ABLIM2: variants seen among roughly 807,000 people sequenced by gnomAD.
ABLIM2 encodes actin binding LIM protein family member 2, also known as actin-binding LIM protein 2.
In ABLIM2, 53 loss-of-function variants were observed where a neutral mutation model predicts 97.7. The ratio of observed to expected loss-of-function variants is 0.54; its 90% confidence interval spans 0.44 to 0.68. The LOEUF (loss-of-function observed/expected upper bound fraction) is 0.68, where lower values mean the gene tolerates loss of function less well. Among genes scored for constraint, ABLIM2 ranks in the 30% least tolerant of loss-of-function variants. The pLI is 0.00. For synonymous variants in ABLIM2, 361 were observed against 345.8 expected (o/e 1.04, Z -0.49); for missense variants, 835 against 867.2 (o/e 0.96, Z 0.47).
At chr4:7,971,085 T>G (rs1315148406) in intron 20 of ABLIM2, among the ~76,000 whole-genome samples, 3 of 152,048 alleles carry the variant, frequency 2.0e-5, no homozygotes, top group African/African-American at 7.2e-5. Flanking sequence ...GAATTCTGAG[T>G]GTCACACCTC....
Position 8,149,171 on chromosome 4 carries a change from G to A in ABLIM2, c.10+9509C>T, listed in dbSNP as rs1711690257. Among the ~76,000 whole-genome samples the A allele has an allele frequency of 6.6e-6, 1 of 152,192 alleles. No homozygotes were observed. Among genetic ancestry groups the A allele is most frequent in the African/African-American group, 2.4e-5 (1 of 41,436 alleles). On this transcript the variant is annotated intron_variant, in intron 1 of 20. Transcript: ENST00000447017. The surrounding 1 kb of genome is among the most constrained non-coding windows in gnomAD (Gnocchi z 6.4). The stretch of plus-strand genomic sequence containing the variant: ...TGTGGGGCCCCTCCCTTCATCCTCA[G>A]AGCCAGGCGTGGAGACTTCTCTCTC...
rs928856743 is a variant in ABLIM2, at chr4:8,061,208, C to T, written c.676-154G>A. Among the ~76,000 whole-genome samples the T allele has an allele frequency of 7.3e-4, 78 of 107,136 alleles. No homozygotes were observed. The highest frequency in any genetic ancestry group is 3.0e-3 in the African/African-American group (75 of 25,388). The allele number at this position is 107,136 out of a possible 152,430, so 70.3% of individuals were successfully genotyped here. On this transcript the variant is annotated intron_variant, in intron 6 of 20. Coordinates refer to ENST00000447017, the MANE Select transcript of ABLIM2 (RefSeq NM_001130083.2). This position sits in a 1 kb window ranked among gnomAD's most constrained non-coding sequence, Gnocchi z 4.5. ...ACCATCGGGACCCAAGACCCCTGAG[C>T]AGAGCCCAGACCCGGGGGTGCCCCC...
At chr4:8,084,743 C>T (rs1822233532) in intron 4 of ABLIM2, among the ~76,000 whole-genome samples, 1 of 152,216 alleles carries the variant, frequency 6.6e-6, no homozygotes. Context: ...TTTCCCCAGG[C>T]CAAGCCCATT....
intron 6 of ABLIM2, among the ~76,000 whole-genome samples, chr4:8,063,188 C>G (rs1399532747): frequency 6.6e-6 from 1 of 152,200 alleles, no homozygotes; most frequent in Non-Finnish European, 1.5e-5. Flanking sequence ...GCCTCAGCCT[C>G]CCGAGTAGCT....
At chr4:7,971,751 G>A (rs1035644699) in intron 20 of ABLIM2, among the ~76,000 whole-genome samples, 2 of 152,050 alleles carry the variant, frequency 1.3e-5, no homozygotes, top group African/African-American at 4.8e-5. Context: ...TCCCCTCAGG[G>A]TACTCCCAGC....
chr4:8,032,549 C>G lies in ABLIM2; in HGVS notation c.1048-2773G>C. On this transcript the variant is annotated intron_variant, in intron 10 of 20. Coordinates refer to ENST00000447017, the MANE Select transcript of ABLIM2 (RefSeq NM_001130083.2). This position sits in a 1 kb window ranked among gnomAD's most constrained non-coding sequence, Gnocchi z 4.3. Reference sequence around the variant, plus strand: ...CCCCGGGCCCCATGGTGAAGAGCCACCGAGGAGGCCCTTCCCGGGAGTGCG... The same window carrying G: ...CCCCGGGCCCCATGGTGAAGAGCCAGCGAGGAGGCCCTTCCCGGGAGTGCG... The G allele has an allele frequency of 6.6e-7, 1 of 1,512,938 alleles. No homozygotes were observed. Among genetic ancestry groups the G allele is most frequent in the South Asian group, 1.1e-5 (1 of 86,990 alleles). 93.7% of individuals were successfully genotyped at this position (1,512,938 alleles called of 1,614,324 possible). A position where few individuals can be genotyped will look rare whatever the true frequency, so the allele number is the denominator to read the frequency against.
chr4:8,082,033 G>A lies in ABLIM2; in HGVS notation c.455-1231C>T, dbSNP rs1561248530. On this transcript the variant is annotated intron_variant, in intron 4 of 20. Coordinates refer to ENST00000447017, the MANE Select transcript of ABLIM2 (RefSeq NM_001130083.2). This position sits in a 1 kb window ranked among gnomAD's most constrained non-coding sequence, Gnocchi z 5.6. ...TGTCTGTGTGTTTGTCGAAGTGTGT[G>A]TCTGCGTGTGTTTAAGGGTGTGGTT... 6.6e-6 allele frequency among the ~76,000 whole-genome samples: 1 copy of A among 152,182 alleles called. No homozygotes were observed. Among genetic ancestry groups the A allele is most frequent in the Non-Finnish European group, 1.5e-5 (1 of 68,026 alleles).
chr4:8,029,200 T>C (rs1779269153), intron 11 of ABLIM2, among the ~76,000 whole-genome samples: 1 of 152,076 alleles, frequency 6.6e-6, no homozygotes, highest in Non-Finnish European at 1.5e-5. Flanking sequence ...TAGCCACAGG[T>C]GAAATGTTAA....
At chr4:8,090,051 G>T (rs1360779245) in intron 3 of ABLIM2, among the ~76,000 whole-genome samples, 1 of 152,170 alleles carries the variant, frequency 6.6e-6, no homozygotes. Context: ...TGTGTTCCTG[G>T]GTTCCCACTG....
chr4:8,062,017 C>A (rs897693682), intron 6 of ABLIM2, among the ~76,000 whole-genome samples: 1 of 151,750 alleles, frequency 6.6e-6, no homozygotes. Context: ...TGCCAACCTC[C>A]GGGCCAGGTG....
chr4:7,984,775 C>T (rs1742209562), intron 18 of ABLIM2, 64 bp downstream of exon 18: 2 of 1,497,612 alleles, frequency 1.3e-6, no homozygotes, highest in Admixed American at 2.1e-5. Context: ...CAGAACAAGT[C>T]TTGTGGAATG....
chr4:7,969,022 C>T (rs150479030), intron 20 of ABLIM2, among the ~76,000 whole-genome samples: 14,879 of 152,088 alleles, frequency 0.098, 1,174 homozygotes, highest in East Asian at 0.44. Context: ...ATCCCAGCTA[C>T]TCGAGAGGCT....
rs755606875 is a variant in ABLIM2, at chr4:8,077,690, G to C, written c.613C>G (p.His205Asp). The C allele has an allele frequency of 1.7e-5, 27 of 1,612,988 alleles. No individual in the cohort carries two copies. Among genetic ancestry groups the C allele is most frequent in the Non-Finnish European group, 2.5e-6 (3 of 1,179,482 alleles). ...TCACAGCGGATGCCGAACTTGGCGT[G>C]ATAGTCAGCTTCGCAGTAGGGCAGC... is the stretch of plus-strand genomic sequence containing the variant. ...DGLPYCEADY[H>D]AKFGIRCDSC... Residue 205 changes from histidine (H) to aspartate (D), a missense_variant, in exon 6 of 21, where the codon CAC becomes GAC. Physicochemically the swap from His to Asp is moderately conservative, Grantham distance 81 (BLOSUM62 -1). Coordinates refer to ENST00000447017, the MANE Select transcript of ABLIM2 (RefSeq NM_001130083.2).
At position 8,061,039 on chromosome 4, in the gene ABLIM2, A is replaced by G. The variant is rs764125654; in HGVS notation, c.691T>C (p.Tyr231His). 22 of 1,593,694 alleles carry G rather than the reference A, an allele frequency of 1.4e-5. No individual in the cohort carries two copies. The highest frequency in any genetic ancestry group is 1.7e-5 in the Non-Finnish European group (20 of 1,170,042). The change falls in exon 7 of 21, where the codon TAC becomes CAC. Residue 231 changes from tyrosine to histidine, a missense_variant. Coordinates refer to ENST00000447017, the MANE Select transcript of ABLIM2 (RefSeq NM_001130083.2). This position sits in a 1 kb window ranked among gnomAD's most constrained non-coding sequence, Gnocchi z 4.5. ...ACACATAGCGCGCAGGAAGGGTGGT[A>G]GTGCTTCTCTCCGGCCTGTAAGAAA... is the stretch of plus-strand genomic sequence containing the variant. ...GRVLEAGEKH[Y>H]HPSCALCVRC...
rs995294185 is a variant in ABLIM2, at chr4:8,022,674, T to TG, written c.1268-2372dup. ...CTCTGCTCAGCCTTCTGGTAGGACT[T>TG]GGTCTCTGAGGACCTCTCCCTCCTC... On this transcript the variant is annotated intron_variant, in intron 12 of 20. Coordinates refer to ENST00000447017, the MANE Select transcript of ABLIM2 (RefSeq NM_001130083.2). The surrounding 1 kb of genome is among the most constrained non-coding windows in gnomAD (Gnocchi z 7.8). 2.1e-4 allele frequency: 32 copies of TG among 152,738 alleles called. No homozygotes were observed. The highest frequency in any genetic ancestry group is 7.2e-4 in the African/African-American group (30 of 41,574). 9.5% of individuals were successfully genotyped at this position (152,738 alleles called of 1,614,324 possible).
intron 1 of ABLIM2, among the ~76,000 whole-genome samples, chr4:8,134,648 C>T (rs759709702): frequency 2.6e-5 from 4 of 152,170 alleles, no homozygotes; most frequent in South Asian, 2.1e-4. Context: ...TGTATGAAAA[C>T]GCTCTCAGGC....
rs1760232992 is a variant in ABLIM2 at position 8,005,116 on chromosome 4, G to T, written c.1618+2943C>A. On this transcript the variant is annotated intron_variant, in intron 16 of 20. Transcript: ENST00000447017. The surrounding 1 kb of genome is among the most constrained non-coding windows in gnomAD (Gnocchi z 4.9). ...GGTGAGATGTGCAGATGGTGTTGTG[G>T]GTGAGATGAGTTTGTGATCGGGCCC... Among the ~76,000 whole-genome samples the T allele has an allele frequency of 6.6e-6, 1 of 152,204 alleles. No homozygotes were observed. The highest frequency in any genetic ancestry group is 2.1e-4 in the South Asian group (1 of 4,828).
chr4:8,105,498 C>A lies in ABLIM2; in HGVS notation c.154+996G>T, dbSNP rs537557021. ...CCGCAGCCATTGGATGGGGGCCGTG[C>A]AACGCCTGATGAAAATCATCATGCT... On this transcript the variant is annotated intron_variant, in intron 2 of 20. Transcript: ENST00000447017. Among the ~76,000 whole-genome samples the A allele has an allele frequency of 8.3e-4, 127 of 152,356 alleles. 2 individuals carry two copies. The highest frequency in any genetic ancestry group is 1.0e-3 in the Non-Finnish European group (70 of 68,042).
chr4:8,078,298 A>G (rs1026534321), intron 5 of ABLIM2, among the ~76,000 whole-genome samples: 12 of 152,230 alleles, frequency 7.9e-5, no homozygotes, highest in African/African-American at 2.9e-4. Context: ...GCAGTGCAGG[A>G]AAGAGCAGGA....
Sources: gnomAD v4.1 joint callset for allele counts (sites outside exome capture counted in the v4.1 genomes callset) on GRCh38, gnomAD v4.1.1 for gene constraint, Gnocchi (gnomAD v3.1) non-coding constraint, MANE v1.5 for transcripts, NCBI Gene and HGNC (gene_info 2026-07-23, HGNC 2026-07-21) for gene names.